Variants in AFF3 observed in about 807,000 individuals in gnomAD.
The protein encoded by AFF3 is ALF transcription elongation factor 3, also known as AF4/FMR2 family member 3.
Under a neutral mutation model 129.7 loss-of-function variants are expected in AFF3, and 32 were observed. The observed-to-expected ratio is 0.25, with a 90% CI of 0.19 to 0.33. AFF3 has a LOEUF of 0.33. AFF3 is among the 10% of genes least tolerant of loss of function. AFF3 has a pLI of 1.00. For missense variants in AFF3, 1,373 were observed against 1,592.0 expected (o/e 0.86, Z 2.34); for synonymous variants, 644 against 635.4 (o/e 1.01, Z -0.20).
chr2:99,996,527 A>ATTTT (rs756231548), intron 7 of AFF3, among the ~76,000 whole-genome samples: 8 of 114,070 alleles, frequency 7.0e-5, no homozygotes, highest in African/African-American at 1.6e-4. Context: ...CGCCCGGCTA[A>ATTTT]TTTTTTTTTT....
At chr2:100,032,551 C>CAAA (rs1319342344) in intron 4 of AFF3, among the ~76,000 whole-genome samples, 5 of 152,132 alleles carry the variant, frequency 3.3e-5, no homozygotes, top group African/African-American at 1.2e-4. Context: ...GAATTGTGTA[C>CAAA]CTCACACTGT....
chr2:100,064,651 T>C (rs1228495530), intron 4 of AFF3, among the ~76,000 whole-genome samples: 1 of 152,184 alleles, frequency 6.6e-6, no homozygotes, highest in Admixed American at 6.5e-5. Flanking sequence ...ACCAAGTCTA[T>C]CTCTCACCAT....
intron 2 of AFF3, among the ~76,000 whole-genome samples, chr2:100,111,812 G>A (rs1691519092): frequency 6.6e-6 from 1 of 152,164 alleles, no homozygotes; most frequent in South Asian, 2.1e-4. Context: ...TTGAAAGTTG[G>A]GAGAAGCCAT....
chr2:99,878,876 T>G (rs1692486205), intron 7 of AFF3, among the ~76,000 whole-genome samples: 1 of 152,226 alleles, frequency 6.6e-6, no homozygotes, highest in African/African-American at 2.4e-5. Flanking sequence ...TGGATTCACT[T>G]TGGATTCCTT....
chr2:99,889,200 C>T (rs1338056043), intron 7 of AFF3, among the ~76,000 whole-genome samples: 3 of 151,982 alleles, frequency 2.0e-5, no homozygotes, highest in Non-Finnish European at 4.4e-5. Context: ...TATTCACAGG[C>T]GAGATCATAG....
Position 99,672,513 on chromosome 2 carries a change from A to C in AFF3, c.1143+25T>G, listed in dbSNP as rs770924487. On this transcript the variant is annotated intron_variant, in intron 12 of 24. Transcript: ENST00000672756. ...CTGTTACCAGTGTCACCTCCAAAGG[A>C]TGATGACATAAAAGAGAATCTTACC... The C allele has an allele frequency of 6.8e-6, 11 of 1,608,416 alleles. No homozygotes were observed. In the South Asian group the frequency reaches 1.2e-4, roughly 18 times the overall value.
In AFF3 at chr2:99,901,415, C is replaced by A. The variant is rs1362938613; in HGVS notation, c.874-63891G>T. 4.6e-5 allele frequency among the ~76,000 whole-genome samples: 7 copies of A among 152,168 alleles called. No individual in the cohort carries two copies. In the East Asian group the frequency reaches 1.3e-3, roughly 29 times the overall value. ...CCGCTGTCAAGTGGGTTCTTCCAAC[C>A]CTGCTGGCACTACTAAACCATTGCC... On this transcript the variant is annotated intron_variant, in intron 7 of 24. Coordinates refer to ENST00000672756, the MANE Select transcript of AFF3 (RefSeq NM_001386135.1).
intron 13 of AFF3, among the ~76,000 whole-genome samples, chr2:99,621,524 C>T (rs759316807): frequency 3.9e-5 from 6 of 152,158 alleles, no homozygotes; most frequent in South Asian, 2.1e-4. Flanking sequence ...GAAGAATGGT[C>T]GGTGCTCCTT....
Position 99,549,839 on chromosome 2 carries a change from A to C in AFF3, c.*1635T>G, listed in dbSNP as rs566231417. The C allele has an allele frequency of 7.5e-4, 167 of 223,834 alleles. No homozygotes were observed. The highest frequency in any genetic ancestry group is 3.7e-3 in the South Asian group (20 of 5,450). 13.9% of individuals were successfully genotyped at this position (223,834 alleles called of 1,614,324 possible). A position where few individuals can be genotyped will look rare whatever the true frequency, so the allele number is the denominator to read the frequency against. On this transcript the variant is annotated 3_prime_UTR_variant, in exon 25 of 25. Coordinates refer to ENST00000672756, the MANE Select transcript of AFF3 (RefSeq NM_001386135.1). ...GCTAACAAAAATGTTAACACTGCAA[A>C]CCAACCTGTAAGAATATCAGTGAAT...
At chr2:100,025,224 C>T (rs1683939231) in intron 4 of AFF3, among the ~76,000 whole-genome samples, 1 of 152,028 alleles carries the variant, frequency 6.6e-6, no homozygotes. Flanking sequence ...ATGAACTAGA[C>T]CATTCAGTAG....
intron 20 of AFF3, among the ~76,000 whole-genome samples, chr2:99,562,348 G>A (rs1293656304): frequency 4.6e-5 from 7 of 151,910 alleles, no homozygotes; most frequent in Admixed American, 3.9e-4. Context: ...AATTTTTTCA[G>A]TCTATTTCTT....
intron 11 of AFF3, among the ~76,000 whole-genome samples, chr2:99,676,174 C>G (rs1265105624): frequency 6.6e-6 from 1 of 152,110 alleles, no homozygotes; most frequent in South Asian, 2.1e-4. Flanking sequence ...GGGCCCCCAA[C>G]CAGGGCCACC....
chr2:99,588,636 T>C (rs2104906983), intron 15 of AFF3, among the ~76,000 whole-genome samples: 1 of 152,302 alleles, frequency 6.6e-6, no homozygotes, highest in East Asian at 1.9e-4. Context: ...ACTCTGACTT[T>C]CTCGCTCTGG....
At chr2:99,565,442 A>T (rs1428001317) in intron 20 of AFF3, 45 bp downstream of exon 20, 1 of 1,601,000 alleles carries the variant, frequency 6.2e-7, no homozygotes, top group Admixed American at 1.7e-5. Context: ...GCTTCCACAC[A>T]TTCCTCACTC....
intron 7 of AFF3, among the ~76,000 whole-genome samples, chr2:99,991,020 C>T (rs1031082116): frequency 1.1e-4 from 16 of 152,146 alleles, no homozygotes; most frequent in African/African-American, 3.9e-4. Context: ...TGAGGCCCCG[C>T]TGCATCCAAC....
At chr2:99,580,005 A>T (rs183024857) in intron 17 of AFF3, among the ~76,000 whole-genome samples, 49 of 152,334 alleles carry the variant, frequency 3.2e-4, no homozygotes, top group Admixed American at 2.9e-3. Context: ...GGAAGCTCAG[A>T]TGTCAACATT....
intron 12 of AFF3, among the ~76,000 whole-genome samples, chr2:99,659,134 C>T (rs1051073276): frequency 6.6e-6 from 1 of 152,160 alleles, no homozygotes. Context: ...TGGGTAGGAG[C>T]GAACATCGCT....
intron 7 of AFF3, among the ~76,000 whole-genome samples, chr2:99,973,135 C>A (rs1678554558): frequency 6.6e-6 from 1 of 152,172 alleles, no homozygotes; most frequent in Non-Finnish European, 1.5e-5. Context: ...GGCTTAGATT[C>A]CCATGACCCC....
intron 8 of AFF3, among the ~76,000 whole-genome samples, chr2:99,783,926 T>C (rs898360220): frequency 3.9e-5 from 6 of 152,252 alleles, no homozygotes; most frequent in East Asian, 3.8e-4. Context: ...AACATAGATA[T>C]TGTATTTCAT....
Sources: gnomAD v4.1 joint callset for allele counts (sites outside exome capture counted in the v4.1 genomes callset) on GRCh38, gnomAD v4.1.1 for gene constraint, MANE v1.5 for transcripts, NCBI Gene and HGNC (gene_info 2026-07-23, HGNC 2026-07-21) for gene names.